The following MOGS variants were observed in gnomAD, a reference collection of about 807,000 sequenced individuals.
MOGS encodes the protein mannosyl-oligosaccharide glucosidase.
Under a neutral mutation model 68.5 loss-of-function variants are expected in MOGS, and 45 were observed. That is an observed-to-expected ratio of 0.66 (90% CI 0.52 to 0.84). The LOEUF (loss-of-function observed/expected upper bound fraction) is 0.84, where lower values mean the gene tolerates loss of function less well. MOGS is among the 40% of genes least tolerant of loss of function. The pLI is 0.00. For synonymous variants in MOGS, 492 were observed against 461.2 expected, an observed-to-expected ratio of 1.07 and a Z score of -0.86; for missense variants, 1,020 against 1,095.0, an observed-to-expected ratio of 0.93 and a Z score of 0.97.
At position 74,462,094 on chromosome 2, in the gene MOGS, C is replaced by G; in HGVS notation, c.1695G>C (p.Arg565=). The change falls in exon 4 of 4, where the codon CGG becomes CGC. Residue 565 remains arginine, a synonymous_variant. Coordinates refer to ENST00000448666, the MANE Select transcript of MOGS (RefSeq NM_006302.3). The part of the protein sequence containing the change: ...PLPLSYRWRG[R]DPALPTLLNP... ...TCAGTAAGGTTGGTAAGGCAGGGTCCCGTCCCCGCCAGCGGTAAGATAGTG... is the reference window on the plus strand; with the variant it reads ...TCAGTAAGGTTGGTAAGGCAGGGTCGCGTCCCCGCCAGCGGTAAGATAGTG... 1.9e-6 allele frequency: 3 copies of G among 1,614,108 alleles called. No homozygotes were observed. The Middle Eastern group carries it at 4.9e-4, about 266-fold the overall frequency.
chr2:74,464,889 CG>C lies in MOGS; in HGVS notation c.352+6del. 1 of 1,604,612 alleles carries C rather than the reference CG, an allele frequency of 6.2e-7. No homozygotes were observed. Among genetic ancestry groups the C allele is most frequent in the African/African-American group, 1.3e-5 (1 of 74,938 alleles). ...CCGCCTGCCTGCCCGCCCTGGGGCC[CG>C]GTTACCGGTGAGGAGGGGCTTCGGG... On this transcript the variant is annotated splice_donor_region_variant and intron_variant, in intron 1 of 3. Coordinates refer to ENST00000448666, the MANE Select transcript of MOGS (RefSeq NM_006302.3).
At chr2:74,464,864 C>A in intron 1 of MOGS, 32 bp downstream of exon 1, 2 of 1,592,612 alleles carry the variant, frequency 1.3e-6, no homozygotes, top group Non-Finnish European at 1.7e-6. Context: ...GATTAGGAGT[C>A]CGCCTGCCTG....
chr2:74,464,400 C>T, intron 2 of MOGS, 96 bp downstream of exon 2: 2 of 1,210,238 alleles, frequency 1.7e-6, no homozygotes, highest in Admixed American at 3.8e-5. Context: ...AGGATTTAAG[C>T]CAGGCAGCCA....
chr2:74,462,894 C>A lies in MOGS; in HGVS notation c.895G>T (p.Gly299Cys), dbSNP rs746113375. The part of the protein sequence containing the change: ...PPGAPPERYL[G>C]LPGSLKWEDR... ...TCCCACTTCAGGGATCCTGGCAAGC[C>A]GAGGTAGCGTTCAGGGGGGGCCCCT... Residue 299 changes from glycine (G) to cysteine (C), a missense_variant, in exon 4 of 4, where the codon GGC becomes TGC. Gly to Cys is a radical substitution (Grantham distance 159). This residue lies in a region of MOGS where 569 missense variants were observed against 571.9 expected (regional missense o/e 0.99). Transcript: ENST00000448666. 6.2e-7 allele frequency: 1 copy of A among 1,614,034 alleles called. No individual in the cohort carries two copies. The highest frequency in any genetic ancestry group is 8.5e-7 in the Non-Finnish European group (1 of 1,180,054).
At chr2:74,464,767 C>A (rs1183933156) in intron 1 of MOGS, 45 bp from the exon 2 acceptor site, 1 of 1,586,670 alleles carries the variant, frequency 6.3e-7, no homozygotes, top group African/African-American at 1.3e-5. Flanking sequence ...GGGGACCTGT[C>A]CCTCCGGGTC....
In MOGS at chr2:74,461,260, C is replaced by T. The variant is rs1671893348; in HGVS notation, c.*15G>A. 1 of 1,613,762 alleles carries T rather than the reference C, an allele frequency of 6.2e-7. No homozygotes were observed. Among genetic ancestry groups the T allele is most frequent in the Non-Finnish European group, 8.5e-7 (1 of 1,180,020 alleles). On this transcript the variant is annotated 3_prime_UTR_variant, in exon 4 of 4. Transcript: ENST00000448666. ...GAGTGGCATGAGTGTCTTGGCTCCC[C>T]TCCTCTCCCTCCCTTCAGTAGTCTT...
chr2:74,464,485 G>T lies in MOGS; in HGVS notation c.579+11C>A. Reference sequence around the variant, plus strand: ...GTCTGGGCTGAGAAAAGGGTGTCCTGAGGCCCTGACCTGAGGCTCTACAGT... The same window carrying T: ...GTCTGGGCTGAGAAAAGGGTGTCCTTAGGCCCTGACCTGAGGCTCTACAGT... On this transcript the variant is annotated intron_variant, in intron 2 of 3. Transcript: ENST00000448666. 1 of 1,613,372 alleles carries T rather than the reference G, an allele frequency of 6.2e-7. No homozygotes were observed.
In MOGS at chr2:74,462,675, A is replaced by T. The variant is rs1256810744; in HGVS notation, c.1114T>A (p.Phe372Ile). 6.2e-7 allele frequency: 1 copy of T among 1,614,220 alleles called. No homozygotes were observed. The highest frequency in any genetic ancestry group is 1.1e-5 in the South Asian group (1 of 91,086). The change falls in exon 4 of 4, where the codon TTT becomes ATT. Residue 372 changes from phenylalanine (F) to isoleucine (I), a missense_variant. By Grantham distance (21) the Phe-to-Ile change is conservative. Transcript: ENST00000448666. ...ESHAEGFRER[F>I]EKTFQLKEKG... The stretch of plus-strand genomic sequence containing the variant: ...TCCTTCAGCTGGAAGGTCTTCTCAA[A>T]GCGCTCTCTAAAGCCTTCAGCATGG...
chr2:74,462,319 C>T lies in MOGS; in HGVS notation c.1470G>A (p.Leu490=). ...GCACCCGGGCTCGGGCCTCATCCCC[C>T]AGTATCTGCTCCCTCCCAATCCAGC... ...ADGWIGREQI[L]GDEARARVPP... The change falls in exon 4 of 4, where the codon CTG becomes CTA. Residue 490 remains leucine, a synonymous_variant. Transcript: ENST00000448666. 1.9e-6 allele frequency: 3 copies of T among 1,613,978 alleles called. No individual in the cohort carries two copies. Among genetic ancestry groups the T allele is most frequent in the Non-Finnish European group, 1.7e-6 (2 of 1,180,018 alleles).
intron 2 of MOGS, 132 bp from the exon 3 acceptor site, chr2:74,463,518 G>GT: frequency 1.1e-6 from 1 of 945,690 alleles, no homozygotes; most frequent in South Asian, 1.4e-5. Context: ...ACGTCTGGCA[G>GT]TAATGAGGGT....
chr2:74,464,865 C>T (rs1460665191), intron 1 of MOGS, 31 bp downstream of exon 1: 6 of 1,592,502 alleles, frequency 3.8e-6, no homozygotes, highest in Non-Finnish European at 5.1e-6. Context: ...ATTAGGAGTC[C>T]GCCTGCCTGC....
chr2:74,462,424 G>A lies in MOGS; in HGVS notation c.1365C>T (p.His455=), dbSNP rs777381511. Residue 455 remains histidine, a synonymous_variant, in exon 4 of 4, where the codon CAC becomes CAT. Transcript: ENST00000448666. ...GATCCCACCGCTGAACCACCAGCTGGTGAAAGCCTTCATCCCAAAGGAAGC... is the reference window on the plus strand; with the variant it reads ...GATCCCACCGCTGAACCACCAGCTGATGAAAGCCTTCATCCCAAAGGAAGC... The part of the protein sequence containing the change: ...PRGFLWDEGF[H]QLVVQRWDPS... 1.9e-6 allele frequency: 3 copies of A among 1,613,546 alleles called. No homozygotes were observed. Among genetic ancestry groups the A allele is most frequent in the Admixed American group, 3.3e-5 (2 of 59,996 alleles).
In MOGS at chr2:74,461,439, G is replaced by A. The variant is rs1471527567; in HGVS notation, c.2350C>T (p.His784Tyr). ...ACCACGTTGGCACGGAGCTCACCGT[G>A]GAGTTTGGCAGCCCGAGCCTGGTGA... is the stretch of plus-strand genomic sequence containing the variant. Reference protein sequence around the residue: ...GPHQARAAKLHGELRANVVGN... With the variant: ...GPHQARAAKLYGELRANVVGN... The change falls in exon 4 of 4, where the codon CAC becomes TAC. Residue 784 changes from histidine to tyrosine, a missense_variant. By Grantham distance (83) the His-to-Tyr change is moderately conservative. Transcript: ENST00000448666. The A allele has an allele frequency of 6.2e-7, 1 of 1,614,246 alleles. No individual in the cohort carries two copies. The highest frequency in any genetic ancestry group is 1.1e-5 in the South Asian group (1 of 91,088).
In MOGS at chr2:74,461,638, G is replaced by C. The variant is rs930840257; in HGVS notation, c.2151C>G (p.Ala717=). ...SRLGPLLDIL[A]DSRHLWSPFG... ...AGGGGCTCCAGAGATGGCGGCTGTC[G>C]GCTAGAATGTCCAGCAGGGGCCCAA... Residue 717 remains alanine (A), a synonymous_variant, in exon 4 of 4, where the codon GCC becomes GCG. Coordinates refer to ENST00000448666, the MANE Select transcript of MOGS (RefSeq NM_006302.3). 6.2e-7 allele frequency: 1 copy of C among 1,614,100 alleles called. No individual in the cohort carries two copies. The highest frequency in any genetic ancestry group is 8.5e-7 in the Non-Finnish European group (1 of 1,179,982).
Position 74,461,926 on chromosome 2 carries a change from A to AG in MOGS, c.1862dup (p.Glu622Ter), listed in dbSNP as rs1399649784. 5.0e-6 allele frequency: 8 copies of AG among 1,613,966 alleles called. No individual in the cohort carries two copies. Among genetic ancestry groups the AG allele is most frequent in the Non-Finnish European group, 6.8e-6 (8 of 1,180,008 alleles). ...GTGGGCCCAGCTCAGCAGCTACCTCAGCCTCACCCAGATGCTCTGCCAGCC... is the reference window on the plus strand; with the variant it reads ...GTGGGCCCAGCTCAGCAGCTACCTCAGGCCTCACCCAGATGCTCTGCCAGCC... On this transcript the variant is annotated frameshift_variant, in exon 4 of 4. Transcript: ENST00000448666. LOFTEE classifies it high-confidence loss of function.
chr2:74,462,124 T>C lies in MOGS; in HGVS notation c.1665A>G (p.Pro555=). 6.2e-7 allele frequency: 1 copy of C among 1,613,810 alleles called. No individual in the cohort carries two copies. ...CCCGCCAGCGGTAAGATAGTGGCAGTGGGCCTGCCTGGCTCTGATGGAGCC... is the reference window on the plus strand; with the variant it reads ...CCCGCCAGCGGTAAGATAGTGGCAGCGGGCCTGCCTGGCTCTGATGGAGCC... ...FSWLHQSQAG[P]LPLSYRWRGR... Residue 555 remains proline, a synonymous_variant, in exon 4 of 4, where the codon CCA becomes CCG. Coordinates refer to ENST00000448666, the MANE Select transcript of MOGS (RefSeq NM_006302.3).
At chr2:74,463,553 A>C (rs1671988608) in intron 2 of MOGS, 167 bp from the exon 3 acceptor site, 8 of 703,914 alleles carry the variant, frequency 1.1e-5, no homozygotes, top group Non-Finnish European at 1.7e-5. Flanking sequence ...AGGTACACCC[A>C]AGCGGGATGA....
rs753858198 is a variant in MOGS at position 74,464,496 on chromosome 2, C to T, written c.579G>A (p.Gln193=). The T allele has an allele frequency of 6.2e-7, 1 of 1,613,974 alleles. No individual in the cohort carries two copies. Among genetic ancestry groups the T allele is most frequent in the Non-Finnish European group, 8.5e-7 (1 of 1,180,012 alleles). The change falls in exon 2 of 4, where the codon CAG becomes CAA. Residue 193 remains glutamine (Q), a splice_region_variant and synonymous_variant. Coordinates refer to ENST00000448666, the MANE Select transcript of MOGS (RefSeq NM_006302.3). ...DWSWRVTVEP[Q]DSGTSALPLV... is the part of the protein sequence containing the mutation. ...GAAAAGGGTGTCCTGAGGCCCTGAC[C>T]TGAGGCTCTACAGTCACTCTCCAGC... is the stretch of plus-strand genomic sequence containing the variant.
Position 74,462,013 on chromosome 2 carries a change from T to TC in MOGS, c.1775_1776insG (p.Val593SerfsTer28). On this transcript the variant is annotated frameshift_variant, in exon 4 of 4. Coordinates refer to ENST00000448666, the MANE Select transcript of MOGS (RefSeq NM_006302.3). LOFTEE classifies it high-confidence loss of function. ...GCAGGTCCAGGTGCCGCTCGGTTACTGAAGGGTGTGAAGCCCGGGGGTAGT... is the reference window on the plus strand; with the variant it reads ...GCAGGTCCAGGTGCCGCTCGGTTACTCGAAGGGTGTGAAGCCCGGGGGTAGT... The TC allele has an allele frequency of 6.2e-7, 1 of 1,614,168 alleles. No homozygotes were observed. The highest frequency in any genetic ancestry group is 8.5e-7 in the Non-Finnish European group (1 of 1,180,006).
Sources: gnomAD v4.1 joint callset for allele counts on GRCh38, gnomAD v4.1.1 for gene constraint, gnomAD v4.1.1 regional missense constraint, MANE v1.5 for transcripts, NCBI Gene and HGNC (gene_info 2026-07-23, HGNC 2026-07-21) for gene names.